The following ZNF469 variants were observed in gnomAD, a reference collection of about 807,000 sequenced individuals.
ZNF469 encodes zinc finger protein 469.
ZNF469 carries 1 observed loss-of-function variant against 1.0 expected under a neutral mutation model. The observed-to-expected ratio is 1.00, with a 90% CI of 0.35 to 4.73. The LOEUF (loss-of-function observed/expected upper bound fraction) is 4.73. Among genes scored for constraint, ZNF469 ranks in the 30% most tolerant of loss-of-function variants. ZNF469 has a pLI of 0.16. For missense variants in ZNF469, 6,100 were observed against 5,356.3 expected (o/e 1.14, Z -4.33); for synonymous variants, 2,703 against 2,363.4 (o/e 1.14, Z -4.17).
At chr16:88,230,782 G>T in the ZNF469 span, among the ~76,000 whole-genome samples, 2 of 152,304 alleles carry the variant, frequency 1.3e-5, no homozygotes, top group African/African-American at 4.8e-5. Flanking sequence ...CATCTGTCCC[G>T]CAGTCCCCAC....
At chr16:88,422,540 G>A (rs1905507122) in intron 1 of ZNF469, among the ~76,000 whole-genome samples, 1 of 149,044 alleles carries the variant, frequency 6.7e-6, no homozygotes, top group African/African-American at 2.5e-5. Context: ...TGGATGGGCA[G>A]GTGGATGGGG....
chr16:88,186,778 C>T, the ZNF469 span, among the ~76,000 whole-genome samples: 1 of 152,254 alleles, frequency 6.6e-6, no homozygotes, highest in Admixed American at 6.5e-5. Flanking sequence ...ATAAACACGG[C>T]TCTCGCTGGG....
the ZNF469 span, among the ~76,000 whole-genome samples, chr16:88,152,971 G>C: frequency 6.6e-6 from 1 of 152,210 alleles, no homozygotes; most frequent in Admixed American, 6.5e-5. This position sits in a 1 kb window ranked among gnomAD's most constrained non-coding sequence, Gnocchi z 4.2. Context: ...GGCTCTGGCG[G>C]GGCATGCCCC....
At chr16:88,220,471 C>G in the ZNF469 span, among the ~76,000 whole-genome samples, 1 of 152,170 alleles carries the variant, frequency 6.6e-6, no homozygotes, top group Non-Finnish European at 1.5e-5. Context: ...GTGCTGCAAG[C>G]AGATGGCAGC....
chr16:88,213,580 G>A, the ZNF469 span, among the ~76,000 whole-genome samples: 1 of 152,182 alleles, frequency 6.6e-6, no homozygotes, highest in Non-Finnish European at 1.5e-5. Flanking sequence ...CCACATGTTT[G>A]TGTCTTCAGA....
At chr16:88,227,354 C>G in the ZNF469 span, among the ~76,000 whole-genome samples, 5 of 152,160 alleles carry the variant, frequency 3.3e-5, no homozygotes, top group Admixed American at 1.3e-4. Context: ...GACCCGTCAA[C>G]CGCCACTCAG....
the ZNF469 span, among the ~76,000 whole-genome samples, chr16:88,195,449 G>A: frequency 6.6e-6 from 1 of 152,328 alleles, no homozygotes; most frequent in South Asian, 2.1e-4. Flanking sequence ...GGCTGTGGGT[G>A]AGGGAGGATT....
intron 1 of ZNF469, among the ~76,000 whole-genome samples, chr16:88,396,971 CAGGAGGAGACCCTCCTGAA>C (rs1904698216): frequency 6.7e-6 from 1 of 149,388 alleles, no homozygotes; most frequent in African/African-American, 2.5e-5. Context: ...GAAGGGAGGC[CAGGAGGAGACCCTCCTGAA>C]GGGAGGCCGG....
chr16:88,428,370 G>A lies in ZNF469; in HGVS notation c.900G>A (p.Gly300=). Residue 300 remains glycine (G), a synonymous_variant, in exon 3 of 3, where the codon GGG becomes GGA. Coordinates refer to ENST00000565624, the MANE Select transcript of ZNF469 (RefSeq NM_001367624.2). ...TGGCTGGGCACGCATTCACCAATGG[G>A]CCACTGGTGTTTGCCTTCCATCAGC... The part of the protein sequence containing the change: ...ADVAGHAFTN[G]PLVFAFHQPQ... The A allele has an allele frequency of 6.5e-7, 1 of 1,548,706 alleles. No individual in the cohort carries two copies. The highest frequency in any genetic ancestry group is 8.7e-7 in the Non-Finnish European group (1 of 1,146,884).
At chr16:88,396,262 G>C (rs1490799741) in intron 1 of ZNF469, among the ~76,000 whole-genome samples, 1 of 152,258 alleles carries the variant, frequency 6.6e-6, no homozygotes, top group Non-Finnish European at 1.5e-5. Flanking sequence ...TCTCAGACAG[G>C]GCCGGCAGGT....
At chr16:88,122,643 G>A in the ZNF469 span, among the ~76,000 whole-genome samples, 7 of 152,070 alleles carry the variant, frequency 4.6e-5, no homozygotes, top group South Asian at 2.1e-4. Flanking sequence ...TGTGTGAGCC[G>A]GCAACCTCCA....
chr16:88,398,083 T>C (rs1904741305), intron 1 of ZNF469, among the ~76,000 whole-genome samples: 1 of 152,228 alleles, frequency 6.6e-6, no homozygotes, highest in Non-Finnish European at 1.5e-5. Flanking sequence ...CCCCAGAAAG[T>C]GCTGGAGGAG....
chr16:88,205,746 C>T, the ZNF469 span, among the ~76,000 whole-genome samples: 3 of 152,274 alleles, frequency 2.0e-5, no homozygotes, highest in African/African-American at 4.8e-5. This position sits in a 1 kb window ranked among gnomAD's most constrained non-coding sequence, Gnocchi z 4.2. Flanking sequence ...TCATTTCAGA[C>T]GTTTTCTATG....
At chr16:88,156,692 C>A in the ZNF469 span, among the ~76,000 whole-genome samples, 85,608 of 152,066 alleles carry the variant, frequency 0.56, 28,228 homozygotes, top group Non-Finnish European at 0.76. Context: ...CCTGGAGCAC[C>A]AGGTGATGAC....
the ZNF469 span, among the ~76,000 whole-genome samples, chr16:88,196,587 A>G: frequency 2.2e-3 from 336 of 152,292 alleles, 9 homozygotes; most frequent in East Asian, 0.056. Flanking sequence ...TCCACCCAGG[A>G]GTGACCACCA....
intron 1 of ZNF469, among the ~76,000 whole-genome samples, chr16:88,413,507 AG>A (rs1905229866): frequency 6.6e-6 from 1 of 152,234 alleles, no homozygotes; most frequent in Non-Finnish European, 1.5e-5. Context: ...GCTCTGTGGC[AG>A]CCCTGCTCAG....
chr16:88,182,429 T>G, the ZNF469 span, among the ~76,000 whole-genome samples: 1 of 152,056 alleles, frequency 6.6e-6, no homozygotes, highest in Non-Finnish European at 1.5e-5. Flanking sequence ...TCACACAACT[T>G]TGAAAGAGAA....
chr16:88,371,939 CCATCATCACCATCACCACCAT>C, the ZNF469 span, among the ~76,000 whole-genome samples: 7 of 7,620 alleles, frequency 9.2e-4, no homozygotes, highest in Non-Finnish European at 1.9e-3. Context: ...ACCATCACCA[CCATCATCACCATCACCACCAT>C]CATCACCATC....
the ZNF469 span, among the ~76,000 whole-genome samples, chr16:88,287,221 C>G: frequency 6.6e-6 from 1 of 152,196 alleles, no homozygotes; most frequent in South Asian, 2.1e-4. Context: ...GTATAATACA[C>G]CCTTGTGTGA....
Sources: allele counts gnomAD v4.1 joint callset (sites outside exome capture counted in the v4.1 genomes callset), GRCh38; gene constraint gnomAD v4.1.1; non-coding constraint Gnocchi (gnomAD v3.1); transcripts MANE v1.5; gene names NCBI Gene and HGNC (gene_info 2026-07-23, HGNC 2026-07-21).